Variants in NRCAM observed in about 807,000 individuals in gnomAD.
NRCAM encodes NgCAM-related cell adhesion molecule.
Under a neutral mutation model 156.5 loss-of-function variants are expected in NRCAM, and 83 were observed. That is an observed-to-expected ratio of 0.53 (90% CI 0.44 to 0.64). NRCAM has a LOEUF of 0.64. NRCAM is among the 30% of genes least tolerant of loss of function. The pLI is 0.00. For missense variants in NRCAM, 1,417 were observed against 1,597.3 expected (o/e 0.89, Z 1.92); for synonymous variants, 538 against 563.9 (o/e 0.95, Z 0.65).
chr7:108,360,393 A>G (rs13244715), intron 2 of NRCAM, among the ~76,000 whole-genome samples: 44,397 of 152,080 alleles, frequency 0.29, 6,872 homozygotes, highest in East Asian at 0.56. Context: ...CAAATGAAGG[A>G]GCAGGAATAA....
At chr7:108,452,062 G>A (rs572383159) in intron 1 of NRCAM, among the ~76,000 whole-genome samples, 1 of 152,208 alleles carries the variant, frequency 6.6e-6, no homozygotes, top group Non-Finnish European at 1.5e-5. Context: ...TACAGTTGCT[G>A]ACGCTGAAGG....
chr7:108,276,940 AAT>A (rs1441475728), intron 3 of NRCAM, among the ~76,000 whole-genome samples: 4 of 152,074 alleles, frequency 2.6e-5, no homozygotes, highest in Non-Finnish European at 4.4e-5. Flanking sequence ...GTGGTGACAA[AAT>A]CTCTCAGCAT....
intron 11 of NRCAM, among the ~76,000 whole-genome samples, chr7:108,213,082 C>G (rs2085609225): frequency 2.0e-5 from 3 of 152,136 alleles, no homozygotes; most frequent in Non-Finnish European, 4.4e-5. Flanking sequence ...GGGATTGGGG[C>G]CCTATCTTCA....
chr7:108,214,102 T>C (rs925050304), intron 11 of NRCAM, among the ~76,000 whole-genome samples: 1 of 152,230 alleles, frequency 6.6e-6, no homozygotes, highest in African/African-American at 2.4e-5. Context: ...AGGATGATGC[T>C]GGCCTCACAA....
chr7:108,149,996 T>C lies in NRCAM; in HGVS notation c.3829A>G (p.Ser1277Gly), dbSNP rs1215641599. The change falls in exon 33 of 33, where the codon AGT (serine) becomes GGT (glycine). Residue 1277 changes from serine to glycine, a missense_variant. Ser to Gly is a moderately conservative substitution (Grantham distance 56). Around this residue, in one of 2 missense-constraint regions of NRCAM, gnomAD observed 179 missense variants for 260.9 expected, o/e 0.69. Coordinates refer to ENST00000379028, the MANE Select transcript of NRCAM (RefSeq NM_001037132.4). ...NEDGSFIGQY[S>G]GKKEKEPAEG... is the part of the protein sequence containing the mutation. ...GCCGGCTCTTTCTCTTTCTTACCAC[T>C]GTATTGTCCAATAAAGGAGCCATCC... is the stretch of plus-strand genomic sequence containing the variant. The C allele has an allele frequency of 6.2e-7, 1 of 1,613,982 alleles. No homozygotes were observed. Among genetic ancestry groups the C allele is most frequent in the Non-Finnish European group, 8.5e-7 (1 of 1,179,974 alleles).
At chr7:108,388,794 C>A (rs1203157691) in intron 2 of NRCAM, among the ~76,000 whole-genome samples, 1 of 152,184 alleles carries the variant, frequency 6.6e-6, no homozygotes. Context: ...CCAGTTTTCC[C>A]AGCACCATTT....
intron 3 of NRCAM, among the ~76,000 whole-genome samples, chr7:108,259,518 A>C (rs2096808885): frequency 6.6e-6 from 1 of 152,204 alleles, no homozygotes; most frequent in Non-Finnish European, 1.5e-5. Flanking sequence ...AATAGAAATC[A>C]TTCTATTATA....
At chr7:108,355,515 A>G (rs913375378) in intron 2 of NRCAM, among the ~76,000 whole-genome samples, 1 of 152,252 alleles carries the variant, frequency 6.6e-6, no homozygotes, top group Non-Finnish European at 1.5e-5. Context: ...GATGTATACA[A>G]TAGTACCCCC....
intron 1 of NRCAM, among the ~76,000 whole-genome samples, chr7:108,430,301 A>G (rs1257842118): frequency 6.6e-6 from 1 of 152,236 alleles, no homozygotes; most frequent in Non-Finnish European, 1.5e-5. Flanking sequence ...CAAGGATAAA[A>G]GTAGAGAGAA....
At position 108,382,879 on chromosome 7, in the gene NRCAM, C is replaced by A. The variant is rs181313634; in HGVS notation, c.-174+16557G>T. On this transcript the variant is annotated intron_variant, in intron 2 of 32. Coordinates refer to ENST00000379028, the MANE Select transcript of NRCAM (RefSeq NM_001037132.4). Reference sequence around the variant, plus strand: ...AACCAGAAAAGCACTGTGGAACACTCACATTTCAATGACCTCTCTCATCAC... The same window carrying A: ...AACCAGAAAAGCACTGTGGAACACTAACATTTCAATGACCTCTCTCATCAC... Among the ~76,000 whole-genome samples, 20 of 152,298 alleles carry A rather than the reference C, an allele frequency of 1.3e-4. 1 individual carries two copies. Among genetic ancestry groups the A allele is most frequent in the Admixed American group, 1.2e-3 (18 of 15,298 alleles).
At position 108,240,167 on chromosome 7, in the gene NRCAM, G is replaced by A; in HGVS notation, c.-103C>T. ...CAACGTTTAAGTAATTTTCATGCGGGAAACTGAAAAAGGATAGAGTAGGAA... is the reference window on the plus strand; with the variant it reads ...CAACGTTTAAGTAATTTTCATGCGGAAAACTGAAAAAGGATAGAGTAGGAA... On this transcript the variant is annotated 5_prime_UTR_variant, in exon 4 of 33. Transcript: ENST00000379028. 2.7e-6 allele frequency: 2 copies of A among 733,690 alleles called. No homozygotes were observed. The highest frequency in any genetic ancestry group is 1.7e-5 in the South Asian group (1 of 59,476). 45.4% of individuals were successfully genotyped at this position (733,690 alleles called of 1,614,324 possible).
intron 2 of NRCAM, among the ~76,000 whole-genome samples, chr7:108,352,076 C>T (rs903583335): frequency 6.6e-6 from 1 of 152,146 alleles, no homozygotes; most frequent in Admixed American, 6.5e-5. Context: ...AACAAAGCCA[C>T]CATTATACAA....
chr7:108,155,662 A>C (rs897340238), intron 32 of NRCAM, among the ~76,000 whole-genome samples: 14 of 152,018 alleles, frequency 9.2e-5, no homozygotes, highest in African/African-American at 3.4e-4. Flanking sequence ...ACTAGGCTAT[A>C]AACTCCCTGT....
chr7:108,352,208 A>T (rs1009145417), intron 2 of NRCAM, among the ~76,000 whole-genome samples: 2 of 152,238 alleles, frequency 1.3e-5, no homozygotes, highest in African/African-American at 4.8e-5. Flanking sequence ...GTATTTTGCT[A>T]ACTTGGAATG....
intron 2 of NRCAM, among the ~76,000 whole-genome samples, chr7:108,345,241 C>G (rs2099344167): frequency 6.6e-6 from 1 of 152,152 alleles, no homozygotes; most frequent in South Asian, 2.1e-4. Flanking sequence ...CTGTGTAATG[C>G]TGGCAAGTTA....
At chr7:108,356,135 G>T (rs1305233716) in intron 2 of NRCAM, among the ~76,000 whole-genome samples, 1 of 152,112 alleles carries the variant, frequency 6.6e-6, no homozygotes, top group East Asian at 1.9e-4. Context: ...TTTTAGTAGA[G>T]ACAGGGTTTC....
intron 2 of NRCAM, among the ~76,000 whole-genome samples, chr7:108,371,349 T>C (rs1276215601): frequency 6.6e-6 from 1 of 152,052 alleles, no homozygotes; most frequent in Non-Finnish European, 1.5e-5. Flanking sequence ...TAGTTCTTGT[T>C]CAGCAACCTC....
chr7:108,191,274 G>T lies in NRCAM; in HGVS notation c.1913C>A (p.Pro638Gln). 6.2e-7 allele frequency: 1 copy of T among 1,603,996 alleles called. No homozygotes were observed. Among genetic ancestry groups the T allele is most frequent in the South Asian group, 1.1e-5 (1 of 88,914 alleles). ...TTTACCGTAAACGGGAGCTGGAGTT[G>T]GAGTAGGAGCTAGAAAGGACATTAA... ...SAVLSVVAPT[P>Q]TPAPVYDVPN... The change falls in exon 19 of 33, where the codon CCA becomes CAA. Residue 638 changes from proline to glutamine, a missense_variant. Pro to Gln is a moderately conservative substitution (Grantham distance 76). Around this residue, in one of 2 missense-constraint regions of NRCAM, gnomAD observed 1,238 missense variants for 1,336.4 expected, o/e 0.93. Transcript: ENST00000379028.
At chr7:108,342,309 A>T (rs377583912) in intron 2 of NRCAM, among the ~76,000 whole-genome samples, 11 of 152,372 alleles carry the variant, frequency 7.2e-5, no homozygotes, top group African/African-American at 2.6e-4. Flanking sequence ...CTAAATACTT[A>T]GGGCTAAAAT....
Sources: allele counts gnomAD v4.1 joint callset (sites outside exome capture counted in the v4.1 genomes callset), GRCh38; gene constraint gnomAD v4.1.1; regional missense constraint gnomAD v4.1.1; transcripts MANE v1.5; gene names NCBI Gene and HGNC (gene_info 2026-07-23, HGNC 2026-07-21).